GPC6: variants seen among roughly 807,000 people sequenced by gnomAD.
GPC6 encodes glypican-6.
Under a neutral mutation model 55.2 loss-of-function variants are expected in GPC6, and 14 were observed. That is an observed-to-expected ratio of 0.25 (90% CI 0.17 to 0.40). The LOEUF (loss-of-function observed/expected upper bound fraction) is 0.40, where lower values mean the gene tolerates loss of function less well. Ranked by LOEUF, GPC6 falls within the 10% of genes least tolerant of loss-of-function variation. GPC6 has a pLI of 1.00. For synonymous variants in GPC6, 278 were observed against 259.6 expected (o/e 1.07, Z -0.68); for missense variants, 641 against 708.5 (o/e 0.90, Z 1.08).
chr13:94,254,831 C>G (rs1594102124), intron 4 of GPC6, among the ~76,000 whole-genome samples: 2 of 152,166 alleles, frequency 1.3e-5, no homozygotes, highest in East Asian at 3.9e-4. Flanking sequence ...CAGTGATTTT[C>G]AGAGTAACAT....
chr13:94,042,185 A>G (rs1435147936), intron 4 of GPC6, among the ~76,000 whole-genome samples: 2 of 151,634 alleles, frequency 1.3e-5, no homozygotes, highest in Non-Finnish European at 3.0e-5. Context: ...CTCCTACTCT[A>G]GCCATGTAAA....
Position 93,543,238 on chromosome 13 carries a change from C to T in GPC6, c.161-2025C>T, listed in dbSNP as rs1157479045. 5.9e-5 allele frequency among the ~76,000 whole-genome samples: 9 copies of T among 152,092 alleles called. No homozygotes were observed. The East Asian group carries it at 1.2e-3, about 20-fold the overall frequency. ...ATTGAGAGTTTTTAGCATGAAGCAT[C>T]GTTGAATTTTGTCAAAGGCCTTTTC... On this transcript the variant is annotated intron_variant, in intron 1 of 8. Coordinates refer to ENST00000377047, the MANE Select transcript of GPC6 (RefSeq NM_005708.5).
At chr13:93,505,257 T>C (rs563651333) in intron 1 of GPC6, among the ~76,000 whole-genome samples, 1 of 152,344 alleles carries the variant, frequency 6.6e-6, no homozygotes, top group South Asian at 2.1e-4. Context: ...AGTTATGATC[T>C]GTAAACTAGC....
At chr13:93,333,469 G>T (rs901585082) in intron 1 of GPC6, among the ~76,000 whole-genome samples, 1 of 150,774 alleles carries the variant, frequency 6.6e-6, no homozygotes, top group Non-Finnish European at 1.5e-5. Flanking sequence ...TATTGTAAAT[G>T]GGATTGCTTT....
chr13:93,364,652 A>T (rs754941860), intron 1 of GPC6, among the ~76,000 whole-genome samples: 5 of 151,450 alleles, frequency 3.3e-5, no homozygotes, highest in Non-Finnish European at 7.4e-5. Context: ...TTCTCCTTGT[A>T]GTGGGGTCAG....
At chr13:93,878,723 A>G (rs917159397) in intron 3 of GPC6, among the ~76,000 whole-genome samples, 3 of 152,082 alleles carry the variant, frequency 2.0e-5, no homozygotes, top group African/African-American at 4.8e-5. Context: ...CCTTCAAGGC[A>G]TCATCTTGGA....
chr13:94,212,967 C>T (rs1035627906), intron 4 of GPC6, among the ~76,000 whole-genome samples: 1 of 152,150 alleles, frequency 6.6e-6, no homozygotes, highest in African/African-American at 2.4e-5. Flanking sequence ...ACCAGCCTGG[C>T]CAACATGGTG....
intron 6 of GPC6, among the ~76,000 whole-genome samples, chr13:94,318,882 A>C (rs1876677251): frequency 2.0e-5 from 3 of 152,136 alleles, no homozygotes; most frequent in Admixed American, 2.0e-4. Context: ...CTTTCTTTCC[A>C]ATATTAATGT....
intron 1 of GPC6, among the ~76,000 whole-genome samples, chr13:93,471,714 G>C (rs1879125916): frequency 6.6e-6 from 1 of 152,012 alleles, no homozygotes; most frequent in Non-Finnish European, 1.5e-5. Flanking sequence ...AATGTTCTCT[G>C]ATTTAATTCA....
At chr13:94,319,095 C>A (rs1876688803) in intron 6 of GPC6, among the ~76,000 whole-genome samples, 1 of 152,040 alleles carries the variant, frequency 6.6e-6, no homozygotes, top group East Asian at 1.9e-4. Flanking sequence ...ATATTTATTT[C>A]TTCCATCTCA....
At chr13:94,151,390 C>G (rs1406901853) in intron 4 of GPC6, among the ~76,000 whole-genome samples, 2 of 152,082 alleles carry the variant, frequency 1.3e-5, no homozygotes, top group Non-Finnish European at 2.9e-5. Flanking sequence ...TTATATCTGT[C>G]CCCCTTGACA....
chr13:93,560,345 CAAAAAAAAA>C (rs35073008), intron 2 of GPC6, among the ~76,000 whole-genome samples: 8 of 129,610 alleles, frequency 6.2e-5, no homozygotes, highest in African/African-American at 2.0e-4. Context: ...GTATCTCTAC[CAAAAAAAAA>C]AAAAAAAAAA....
intron 4 of GPC6, among the ~76,000 whole-genome samples, chr13:94,106,982 A>G (rs1026726614): frequency 2.6e-5 from 4 of 152,158 alleles, no homozygotes; most frequent in Admixed American, 2.0e-4. Context: ...ACAAAAGAAA[A>G]GGAAAGCAAA....
Position 93,830,215 on chromosome 13 carries a change from C to T in GPC6, c.381C>T (p.Thr127=). Residue 127 remains threonine, a synonymous_variant, in exon 3 of 9, where the codon ACC becomes ACT. Coordinates refer to ENST00000377047, the MANE Select transcript of GPC6 (RefSeq NM_005708.5). ...EKSLNDMFVR[T]YGMLYMQNSE... is the part of the protein sequence containing the mutation. The stretch of plus-strand genomic sequence containing the variant: ...CACTAAATGATATGTTTGTACGGAC[C>T]TATGGCATGCTGTACATGCAGAATT... 6.2e-7 allele frequency: 1 copy of T among 1,606,098 alleles called. No homozygotes were observed.
chr13:94,266,440 T>A (rs1412326828), intron 4 of GPC6, among the ~76,000 whole-genome samples: 1 of 152,158 alleles, frequency 6.6e-6, no homozygotes, highest in Non-Finnish European at 1.5e-5. Context: ...AGTGCTGGGA[T>A]TACAGGCGTG....
At chr13:94,231,349 C>T (rs946658573) in intron 4 of GPC6, among the ~76,000 whole-genome samples, 2 of 152,106 alleles carry the variant, frequency 1.3e-5, no homozygotes, top group African/African-American at 2.4e-5. Flanking sequence ...AAATTAAAAA[C>T]GATCCTATTG....
intron 1 of GPC6, among the ~76,000 whole-genome samples, chr13:93,243,604 G>T (rs1876507315): frequency 6.6e-6 from 1 of 152,124 alleles, no homozygotes; most frequent in African/African-American, 2.4e-5. Context: ...AGTGGTGTGG[G>T]CTCTGTAGGT....
chr13:93,685,967 C>A (rs1364256940), intron 2 of GPC6, among the ~76,000 whole-genome samples: 3 of 152,102 alleles, frequency 2.0e-5, no homozygotes, highest in Non-Finnish European at 4.4e-5. Context: ...AGGCCAGGTT[C>A]TCTGACTTTA....
chr13:94,314,032 C>A (rs904169623), intron 6 of GPC6, among the ~76,000 whole-genome samples: 5 of 152,158 alleles, frequency 3.3e-5, no homozygotes, highest in African/African-American at 1.2e-4. Flanking sequence ...TGTTGCATAG[C>A]ACTTAGTAAA....
Sources: allele counts gnomAD v4.1 joint callset (sites outside exome capture counted in the v4.1 genomes callset), GRCh38; gene constraint gnomAD v4.1.1; transcripts MANE v1.5; gene names NCBI Gene and HGNC (gene_info 2026-07-23, HGNC 2026-07-21).